NEDD9: variants seen among roughly 807,000 people sequenced by gnomAD.
NEDD9 encodes enhancer of filamentation 1.
NEDD9 carries 26 observed loss-of-function variants against 76.6 expected under a neutral mutation model. The ratio of observed to expected loss-of-function variants is 0.34; its 90% CI spans 0.25 to 0.47. The LOEUF is 0.47. Ranked by LOEUF, NEDD9 falls within the 20% of genes least tolerant of loss-of-function variation. NEDD9 has a pLI of 1.00. For missense variants in NEDD9, 937 were observed against 1,058.5 expected (o/e 0.89, Z 1.59); for synonymous variants, 392 against 414.2 (o/e 0.95, Z 0.65).
chr6:11,242,002 G>A (rs1396134227), intron 3 of NEDD9, among the ~76,000 whole-genome samples: 2 of 152,234 alleles, frequency 1.3e-5, no homozygotes, highest in African/African-American at 2.4e-5. Flanking sequence ...AGTTTGACTC[G>A]TTTTAGAAAG....
intron 1 of NEDD9, among the ~76,000 whole-genome samples, chr6:11,224,168 G>A (rs1213092506): frequency 2.6e-5 from 4 of 152,276 alleles, no homozygotes; most frequent in East Asian, 3.9e-4. Context: ...GCTGAATTTC[G>A]GATTTGGGAG....
chr6:11,236,394 T>G (rs1404131506), upstream of NEDD9, among the ~76,000 whole-genome samples: 3 of 152,182 alleles, frequency 2.0e-5, no homozygotes, highest in African/African-American at 4.8e-5. This position sits in a 1 kb window ranked among gnomAD's most constrained non-coding sequence, Gnocchi z 5.5. Flanking sequence ...ATTTTCCAGC[T>G]GCAACTGGGC....
At chr6:11,378,599 T>C (rs1192729475) in intron 1 of NEDD9, among the ~76,000 whole-genome samples, 2 of 152,170 alleles carry the variant, frequency 1.3e-5, no homozygotes, top group Non-Finnish European at 2.9e-5. Flanking sequence ...ATTCCTATGA[T>C]TATTTAGAAT....
chr6:11,185,569 C>T lies in NEDD9; in HGVS notation c.2098G>A (p.Val700Met), dbSNP rs772039234. The T allele has an allele frequency of 3.7e-6, 6 of 1,614,056 alleles. No individual in the cohort carries two copies. The highest frequency in any genetic ancestry group is 5.1e-6 in the Non-Finnish European group (6 of 1,180,036). The change falls in exon 7 of 7, where the codon GTG becomes ATG. Residue 700 changes from valine (V) to methionine (M), a missense_variant. Val to Met is a conservative substitution (Grantham distance 21). Transcript: ENST00000379446. ...AGCAACTGCCGATCCTGAGCACTCA[C>T]GCCACTGTTTGTGGTGGGTAGGCTC... ...SQSLPTTNSG[V>M]SAQDRQLLCF...
At chr6:11,325,250 G>C (rs1761898292) in intron 2 of NEDD9, among the ~76,000 whole-genome samples, 1 of 151,944 alleles carries the variant, frequency 6.6e-6, no homozygotes, top group Admixed American at 6.6e-5. Context: ...AGCTACTCGG[G>C]AGGCTGAAGC....
chr6:11,201,088 A>G (rs758177951), intron 2 of NEDD9: 1 of 1,612,794 alleles, frequency 6.2e-7, no homozygotes, highest in Non-Finnish European at 8.5e-7. Context: ...TTCTGCTCAC[A>G]TTGTGTCACT....
chr6:11,203,696 A>T (rs1221703949), intron 2 of NEDD9, among the ~76,000 whole-genome samples: 3 of 152,212 alleles, frequency 2.0e-5, no homozygotes, highest in Non-Finnish European at 2.9e-5. Context: ...GTAACAAAAC[A>T]GGGATGAGAG....
chr6:11,262,438 T>C (rs1219055184), intron 3 of NEDD9, among the ~76,000 whole-genome samples: 3 of 152,302 alleles, frequency 2.0e-5, no homozygotes, highest in Admixed American at 2.0e-4. Context: ...CTAAATTCCC[T>C]TCCTGTCCTA....
At position 11,356,609 on chromosome 6, in the gene NEDD9, T is replaced by G. The variant is rs188160126; in HGVS notation, c.-213-22048A>C. Among the ~76,000 whole-genome samples, 576 of 152,084 alleles carry G rather than the reference T, an allele frequency of 3.8e-3. 6 individuals carry two copies. Among genetic ancestry groups the G allele is most frequent in the African/African-American group, 0.013 (551 of 41,454 alleles). ...CAGTAAGGCTGGGCGGGGCTGGAAT[T>G]TGCATTCCTAAGATACTCCCAGGTG... On this transcript the variant is annotated intron_variant, in intron 1 of 3. Coordinates refer to the NEDD9 transcript ENST00000397378.
chr6:11,277,398 G>T (rs1325377501), intron 3 of NEDD9, among the ~76,000 whole-genome samples: 1 of 152,178 alleles, frequency 6.6e-6, no homozygotes, highest in Non-Finnish European at 1.5e-5. Flanking sequence ...GAGAGAGGTG[G>T]CGTTTGGGGG....
At chr6:11,228,106 G>GT (rs1554126608) in intron 1 of NEDD9, among the ~76,000 whole-genome samples, 3 of 136,864 alleles carry the variant, frequency 2.2e-5, no homozygotes, top group African/African-American at 8.5e-5. Flanking sequence ...CGGGTGGGGG[G>GT]CTGGGGAGTA....
chr6:11,363,181 T>A (rs1315170721), intron 1 of NEDD9, among the ~76,000 whole-genome samples: 1 of 152,232 alleles, frequency 6.6e-6, no homozygotes, highest in Admixed American at 6.5e-5. Flanking sequence ...AGCTAGCTAT[T>A]GGACACTCTG....
chr6:11,310,869 C>T (rs72832917), intron 2 of NEDD9, among the ~76,000 whole-genome samples: 33,574 of 152,078 alleles, frequency 0.22, 4,660 homozygotes, highest in East Asian at 0.63. Flanking sequence ...CCTCAACTTC[C>T]CTCCTCCACA....
In NEDD9 at chr6:11,191,158, C is replaced by T; in HGVS notation, c.711G>A (p.Arg237=). 1 of 1,613,140 alleles carries T rather than the reference C, an allele frequency of 6.2e-7. No homozygotes were observed. The highest frequency in any genetic ancestry group is 8.5e-7 in the Non-Finnish European group (1 of 1,179,598). ...PSACRDEAGL[R]EKDYDFPPPM... ...GAGGGGGGAAGTCATAGTCTTTTTC[C>T]CTAAGCCCTGCTTCATCCCGGCAAG... The change falls in exon 5 of 7, where the codon AGG becomes AGA. Residue 237 remains arginine, a synonymous_variant. Transcript: ENST00000379446.
intron 1 of NEDD9, among the ~76,000 whole-genome samples, chr6:11,219,628 C>G (rs2113769157): frequency 6.6e-6 from 1 of 152,340 alleles, no homozygotes; most frequent in Middle Eastern, 3.4e-3. Context: ...GGAAGTCAGT[C>G]CTAAGGCAGG....
chr6:11,276,019 TC>T (rs765546397), intron 3 of NEDD9, among the ~76,000 whole-genome samples: 1 of 152,210 alleles, frequency 6.6e-6, no homozygotes, highest in Non-Finnish European at 1.5e-5. Flanking sequence ...AGAAATCATC[TC>T]AAGACATCAT....
intron 2 of NEDD9, among the ~76,000 whole-genome samples, chr6:11,306,838 T>C (rs150188403): frequency 3.9e-4 from 60 of 152,344 alleles, no homozygotes; most frequent in African/African-American, 1.4e-3. Flanking sequence ...GCCCAGAATT[T>C]GATTTTTTGG....
chr6:11,364,558 A>G lies in NEDD9; in HGVS notation c.-214+17581T>C, dbSNP rs556542453. On this transcript the variant is annotated intron_variant, in intron 1 of 3. Coordinates refer to the NEDD9 transcript ENST00000397378. Reference sequence around the variant, plus strand: ...GGCCACACAGCAGGTACATGGCACAACTAGGATTTGAACCCAGGCAAGCTG... The same window carrying G: ...GGCCACACAGCAGGTACATGGCACAGCTAGGATTTGAACCCAGGCAAGCTG... 7.2e-4 allele frequency among the ~76,000 whole-genome samples: 110 copies of G among 152,294 alleles called. 3 individuals carry two copies. The South Asian group carries it at 0.022, about 30-fold the overall frequency.
At chr6:11,238,755 G>A (rs1759656038) in intron 3 of NEDD9, among the ~76,000 whole-genome samples, 1 of 152,182 alleles carries the variant, frequency 6.6e-6, no homozygotes, top group South Asian at 2.1e-4. Context: ...CTAAGTCTAT[G>A]CTTCCCAAAT....
Sources: allele counts gnomAD v4.1 joint callset (sites outside exome capture counted in the v4.1 genomes callset), GRCh38; gene constraint gnomAD v4.1.1; non-coding constraint Gnocchi (gnomAD v3.1); transcripts MANE v1.5; gene names NCBI Gene and HGNC (gene_info 2026-07-23, HGNC 2026-07-21).